The following ROCK1 variants were observed in gnomAD, a reference collection of about 807,000 sequenced individuals.
The protein encoded by ROCK1 is rho-associated protein kinase 1.
ROCK1 carries 36 observed loss-of-function variants against 196.8 expected under a neutral mutation model. That is an observed-to-expected ratio of 0.18 (90% CI 0.14 to 0.24). The LOEUF is 0.24. Ranked by LOEUF, ROCK1 falls within the 10% of genes least tolerant of loss-of-function variation. The probability of loss-of-function intolerance (pLI) is 1.00; values close to 1 mark genes in which losing one functional copy is unlikely to be tolerated. For missense variants in ROCK1, 920 were observed against 1,562.0 expected (o/e 0.59, Z 6.93); for synonymous variants, 443 against 515.9 (o/e 0.86, Z 1.91).
intron 1 of ROCK1, among the ~76,000 whole-genome samples, chr18:21,074,072 C>T (rs2036409933): frequency 6.6e-6 from 1 of 152,202 alleles, no homozygotes; most frequent in South Asian, 2.1e-4. Context: ...GCAGGAAGAT[C>T]GCTTGAGCCC....
At chr18:20,968,069 T>A in intron 25 of ROCK1, 129 bp from the exon 26 acceptor site, 1 of 848,334 alleles carries the variant, frequency 1.2e-6, no homozygotes, top group Non-Finnish European at 1.7e-6. Context: ...TTCATGATGG[T>A]TGAGACATGA....
rs2035515670 is a variant in ROCK1 at position 20,979,958 on chromosome 18, T to C, written c.2606A>G (p.Glu869Gly). ...QVKELKEEIE[E>G]KNRENLKKIQ... is the part of the protein sequence containing the mutation. ...TTTCTTTAAATTTTCTCTGTTTTTT[T>C]CTTCAATTTCTTCTTTAAGTTCCTT... The change falls in exon 22 of 33, where the codon GAA becomes GGA. Residue 869 changes from glutamate (E) to glycine (G), a missense_variant. Transcript: ENST00000399799. 6.5e-7 allele frequency: 1 copy of C among 1,549,946 alleles called. No homozygotes were observed. Among genetic ancestry groups the C allele is most frequent in the Non-Finnish European group, 8.7e-7 (1 of 1,146,128 alleles).
At chr18:21,038,682 A>G (rs1314635465) in intron 9 of ROCK1, among the ~76,000 whole-genome samples, 2 of 152,218 alleles carry the variant, frequency 1.3e-5, no homozygotes, top group East Asian at 3.8e-4. Flanking sequence ...TTCCATTGTT[A>G]CTATTCACTG....
chr18:20,959,115 TA>T, intron 29 of ROCK1, among the ~76,000 whole-genome samples: 1 of 51,582 alleles, frequency 1.9e-5, no homozygotes, highest in African/African-American at 1.3e-4. Flanking sequence ...ATATATATAT[TA>T]TATAATATAT....
At chr18:21,044,323 C>G in intron 5 of ROCK1, 137 bp from the exon 6 acceptor site, 1 of 460,930 alleles carries the variant, frequency 2.2e-6, no homozygotes. Context: ...TCTCTATCCA[C>G]ATCTATAAAT....
intron 27 of ROCK1, 116 bp from the exon 28 acceptor site, chr18:20,960,322 G>A: frequency 3.0e-6 from 2 of 662,278 alleles, no homozygotes; most frequent in Non-Finnish European, 5.4e-6. Context: ...AAATGAATAA[G>A]TGCTATAATT....
intron 1 of ROCK1, among the ~76,000 whole-genome samples, chr18:21,104,968 AG>A (rs1229067120): frequency 6.6e-6 from 1 of 152,226 alleles, no homozygotes; most frequent in Admixed American, 6.5e-5. Flanking sequence ...GAGCGGCTTG[AG>A]GTGCCAGATA....
chr18:21,060,064 G>T (rs539133910), intron 2 of ROCK1, among the ~76,000 whole-genome samples: 2 of 152,286 alleles, frequency 1.3e-5, no homozygotes, highest in Admixed American at 6.5e-5. Flanking sequence ...CTGTTAATGG[G>T]TATGAGGTTA....
chr18:20,967,729 C>CCTGTA, intron 26 of ROCK1, 23 bp downstream of exon 26: 1 of 1,521,316 alleles, frequency 6.6e-7, no homozygotes, highest in South Asian at 1.3e-5. Context: ...ACACTCATAT[C>CCTGTA]CATACACACA....
intron 1 of ROCK1, among the ~76,000 whole-genome samples, chr18:21,088,411 T>C (rs1203318746): frequency 6.6e-6 from 1 of 152,152 alleles, no homozygotes; most frequent in Non-Finnish European, 1.5e-5. Context: ...GGCAGAAGGA[T>C]AGCCTGAGCC....
intron 20 of ROCK1, among the ~76,000 whole-genome samples, chr18:20,983,942 A>G (rs1425913528): frequency 6.6e-6 from 1 of 152,234 alleles, no homozygotes; most frequent in Non-Finnish European, 1.5e-5. Flanking sequence ...TCCATTTCAA[A>G]TAAGGAGGCA....
Position 20,961,986 on chromosome 18 carries a change from G to C in ROCK1, c.3353-1780C>G, listed in dbSNP as rs549207761. Among the ~76,000 whole-genome samples the C allele has an allele frequency of 2.0e-5, 3 of 152,002 alleles. No individual in the cohort carries two copies. In the South Asian group the frequency reaches 6.2e-4, roughly 32 times the overall value. ...ATTTTGTTGCTTAGGTAGTTCCTTG[G>C]TAAGTTTTGTGAGAGCAAGGACCAT... On this transcript the variant is annotated intron_variant, in intron 27 of 32. Transcript: ENST00000399799.
In ROCK1 at chr18:20,960,015, A is replaced by G. The variant is rs556032506; in HGVS notation, c.3424-87T>C. ...AGCATAATATTTGCCACTAATATCTAGATTATACTGTATTAATGTAAAATA... is the reference window on the plus strand; with the variant it reads ...AGCATAATATTTGCCACTAATATCTGGATTATACTGTATTAATGTAAAATA... On this transcript the variant is annotated intron_variant, in intron 28 of 32. Transcript: ENST00000399799. The G allele has an allele frequency of 2.8e-3, 2,916 of 1,028,770 alleles. 73 individuals carry two copies. In the South Asian group the frequency reaches 0.037, roughly 13 times the overall value. 63.7% of individuals were successfully genotyped at this position (1,028,770 alleles called of 1,614,324 possible). A position where few individuals can be genotyped will look rare whatever the true frequency, so the allele number is the denominator to read the frequency against.
intron 1 of ROCK1, among the ~76,000 whole-genome samples, chr18:21,072,284 A>G (rs2036392184): frequency 6.6e-6 from 1 of 152,170 alleles, no homozygotes; most frequent in African/African-American, 2.4e-5. Flanking sequence ...ATACCATGGG[A>G]TAGTCTATTA....
intron 1 of ROCK1, among the ~76,000 whole-genome samples, chr18:21,078,254 G>A (rs1186035861): frequency 2.0e-5 from 3 of 151,884 alleles, no homozygotes; most frequent in Non-Finnish European, 2.9e-5. Flanking sequence ...GTTTGAACCC[G>A]GGAGGCAGGG....
At chr18:20,968,401 G>C (rs2035394522) in intron 25 of ROCK1, 1 of 183,436 alleles carries the variant, frequency 5.5e-6, no homozygotes, top group Non-Finnish European at 1.1e-5. Flanking sequence ...CTGCCTCCTG[G>C]GTTCAAGCAA....
At chr18:21,022,242 A>G (rs2035919713) in intron 11 of ROCK1, among the ~76,000 whole-genome samples, 1 of 152,160 alleles carries the variant, frequency 6.6e-6, no homozygotes, top group Non-Finnish European at 1.5e-5. Context: ...TATTTTTCAG[A>G]AAATTCCTGT....
chr18:21,062,705 C>T (rs891780646), intron 2 of ROCK1, among the ~76,000 whole-genome samples: 2 of 152,040 alleles, frequency 1.3e-5, no homozygotes, highest in Non-Finnish European at 2.9e-5. Context: ...CCAGACACTA[C>T]CTTAAACCAA....
At chr18:20,980,752 TA>T (rs978288172) in intron 21 of ROCK1, among the ~76,000 whole-genome samples, 2 of 151,656 alleles carry the variant, frequency 1.3e-5, no homozygotes, top group Non-Finnish European at 2.9e-5. Flanking sequence ...TCGTTTCTAC[TA>T]AAAATACAAA....
Sources: allele counts gnomAD v4.1 joint callset (sites outside exome capture counted in the v4.1 genomes callset), GRCh38; gene constraint gnomAD v4.1.1; transcripts MANE v1.5; gene names NCBI Gene and HGNC (gene_info 2026-07-23, HGNC 2026-07-21).